Variants in PACRG observed in about 807,000 individuals in gnomAD.
PACRG encodes parkin coregulated.
In PACRG, 29 loss-of-function variants were observed where a neutral mutation model predicts 29.7. The ratio of observed to expected loss-of-function variants is 0.98; its 90% CI spans 0.73 to 1.33. The LOEUF is 1.33. Among genes scored for constraint, PACRG ranks in the 40% most tolerant of loss-of-function variants. The probability of loss-of-function intolerance (pLI) is 0.00; values close to 1 mark genes in which losing one functional copy is unlikely to be tolerated. For synonymous variants in PACRG, 116 were observed against 118.7 expected (o/e 0.98, Z 0.15); for missense variants, 279 against 316.2 (o/e 0.88, Z 0.89).
At position 163,007,356 on chromosome 6, in the gene PACRG, G is replaced by A. The variant is rs188414266; in HGVS notation, c.292-54794G>A. The stretch of plus-strand genomic sequence containing the variant: ...ATTTTCCCATATAGTTGACATTTCT[G>A]ATGCTCTTCATTCCTTTATGTAGCT... On this transcript the variant is annotated intron_variant, in intron 2 of 4. Coordinates refer to ENST00000366888, the MANE Select transcript of PACRG (RefSeq NM_001080379.2). Among the ~76,000 whole-genome samples the A allele has an allele frequency of 2.7e-3, 412 of 152,162 alleles. 3 individuals are homozygous for A. Among genetic ancestry groups the A allele is most frequent in the African/African-American group, 9.5e-3 (396 of 41,516 alleles).
chr6:162,997,036 G>T (rs1416862069), intron 2 of PACRG, among the ~76,000 whole-genome samples: 1 of 152,106 alleles, frequency 6.6e-6, no homozygotes, highest in Non-Finnish European at 1.5e-5. Context: ...TCAGTCATTT[G>T]TTTACCAAAA....
At chr6:163,243,366 G>C (rs1782574123) in intron 4 of PACRG, among the ~76,000 whole-genome samples, 1 of 152,202 alleles carries the variant, frequency 6.6e-6, no homozygotes, top group African/African-American at 2.4e-5. Flanking sequence ...TCCAGCGTGT[G>C]AATGTTCACG....
chr6:163,083,502 C>T (rs1179915570), intron 3 of PACRG, among the ~76,000 whole-genome samples: 1 of 152,156 alleles, frequency 6.6e-6, no homozygotes, highest in Non-Finnish European at 1.5e-5. Flanking sequence ...ACCTTGGGTA[C>T]ATGTCAGGAC....
At position 163,226,588 on chromosome 6, in the gene PACRG, T is replaced by C. The variant is rs1781809899; in HGVS notation, c.614-88239T>C. On this transcript the variant is annotated intron_variant, in intron 4 of 4. Coordinates refer to ENST00000366888, the MANE Select transcript of PACRG (RefSeq NM_001080379.2). ...GGAGGAGGTCCCAGGCAATCTCCAC[T>C]TGAGGCCAAGGGGCTGGGGCTCTGT... 2.0e-5 allele frequency among the ~76,000 whole-genome samples: 3 copies of C among 152,192 alleles called. No individual in the cohort carries two copies. The South Asian group carries it at 6.2e-4, about 32-fold the overall frequency.
chr6:163,184,316 TC>T, intron 4 of PACRG, among the ~76,000 whole-genome samples: 1 of 152,278 alleles, frequency 6.6e-6, no homozygotes, highest in African/African-American at 2.4e-5. Context: ...GTCTGGTAAA[TC>T]CTGTACATAA....
chr6:162,859,939 G>A (rs188446600), intron 2 of PACRG, among the ~76,000 whole-genome samples: 6 of 151,930 alleles, frequency 3.9e-5, no homozygotes, highest in Admixed American at 2.0e-4. Context: ...TCCGCCTTCT[G>A]TTATAGTAGT....
chr6:163,047,458 A>G (rs980046341), intron 2 of PACRG, among the ~76,000 whole-genome samples: 3 of 152,212 alleles, frequency 2.0e-5, no homozygotes, highest in Admixed American at 6.5e-5. Context: ...GTTAGAAGCT[A>G]TGAAACAAGG....
At chr6:163,041,097 A>G (rs1364271628) in intron 2 of PACRG, among the ~76,000 whole-genome samples, 2 of 152,014 alleles carry the variant, frequency 1.3e-5, no homozygotes. Context: ...CAGCACTTTG[A>G]GAGGCCAAGG....
intron 4 of PACRG, among the ~76,000 whole-genome samples, chr6:163,108,553 C>A (rs929082963): frequency 7.9e-5 from 11 of 139,036 alleles, no homozygotes; most frequent in African/African-American, 3.0e-4. Flanking sequence ...CCACCACACC[C>A]AGCTAATTTT....
rs143023510 is a variant in PACRG, at chr6:162,900,195, C to T, written c.291+85914C>T. 2.2e-3 allele frequency among the ~76,000 whole-genome samples: 341 copies of T among 152,226 alleles called. 2 individuals carry two copies. The highest frequency in any genetic ancestry group is 7.8e-3 in the African/African-American group (326 of 41,550). On this transcript the variant is annotated intron_variant, in intron 2 of 4. Transcript: ENST00000366888. ...GGGAGGATCGGTAAAGGAACCAACA[C>T]GCACATATGCACTCACAATGCTCAC...
At chr6:162,901,820 G>C (rs1795578187) in intron 2 of PACRG, among the ~76,000 whole-genome samples, 1 of 152,202 alleles carries the variant, frequency 6.6e-6, no homozygotes, top group Non-Finnish European at 1.5e-5. Context: ...GAAAGAACAA[G>C]TTAAAAGCTC....
chr6:162,937,829 G>A (rs780892982), intron 2 of PACRG, among the ~76,000 whole-genome samples: 1 of 152,024 alleles, frequency 6.6e-6, no homozygotes, highest in Admixed American at 6.6e-5. Flanking sequence ...GAAAATTTGA[G>A]AAAAGTATAA....
chr6:163,253,192 C>T (rs753512933), intron 4 of PACRG, among the ~76,000 whole-genome samples: 14 of 149,738 alleles, frequency 9.3e-5, no homozygotes, highest in Non-Finnish European at 1.6e-4. Flanking sequence ...CCCAGCTACT[C>T]GGGAGGCTGA....
intron 4 of PACRG, chr6:163,189,392 C>T (rs1780098845): frequency 6.6e-6 from 1 of 152,206 alleles, no homozygotes; most frequent in South Asian, 2.1e-4. Flanking sequence ...ATTATCTTCT[C>T]TTACAGAACA....
chr6:162,869,344 G>T (rs556135082), intron 2 of PACRG, among the ~76,000 whole-genome samples: 1 of 152,068 alleles, frequency 6.6e-6, no homozygotes, highest in African/African-American at 2.4e-5. Flanking sequence ...TATTATTTGG[G>T]AATAATAAAT....
intron 2 of PACRG, among the ~76,000 whole-genome samples, chr6:162,933,801 A>T (rs1455847579): frequency 6.6e-6 from 1 of 152,086 alleles, no homozygotes; most frequent in Non-Finnish European, 1.5e-5. Context: ...GTTCTACTAG[A>T]AAGTTCAGGA....
intron 2 of PACRG, among the ~76,000 whole-genome samples, chr6:163,027,826 A>G (rs1241304314): frequency 1.3e-5 from 2 of 152,250 alleles, no homozygotes; most frequent in Non-Finnish European, 2.9e-5. Flanking sequence ...TAGAATAAGC[A>G]GAGCCTATTT....
intron 4 of PACRG, among the ~76,000 whole-genome samples, chr6:163,235,095 G>A (rs1782184171): frequency 6.6e-6 from 1 of 152,160 alleles, no homozygotes; most frequent in Admixed American, 6.5e-5. Flanking sequence ...CTGAGGAGGT[G>A]GGAAGACATA....
At chr6:163,129,963 A>T (rs1034779130) in intron 4 of PACRG, among the ~76,000 whole-genome samples, 1 of 152,224 alleles carries the variant, frequency 6.6e-6, no homozygotes, top group Non-Finnish European at 1.5e-5. Flanking sequence ...AAAGAGAAAG[A>T]TGGAGAGATT....
Sources: gnomAD v4.1 joint callset for allele counts (sites outside exome capture counted in the v4.1 genomes callset) on GRCh38, gnomAD v4.1.1 for gene constraint, MANE v1.5 for transcripts, NCBI Gene and HGNC (gene_info 2026-07-23, HGNC 2026-07-21) for gene names.